Variants in ERFL observed in about 807,000 individuals in gnomAD.
ERFL encodes ETS domain-containing transcription factor ERF-like.
A neutral mutation model predicts 27.9 loss-of-function variants in ERFL; 8 were observed. The ratio of observed to expected loss-of-function variants is 0.29; its 90% confidence interval spans 0.17 to 0.52. The LOEUF is 0.52. ERFL is among the 20% of genes least tolerant of loss of function. The probability of loss-of-function intolerance (pLI) is 0.97; values close to 1 mark genes in which losing one functional copy is unlikely to be tolerated. For missense variants in ERFL, 294 were observed against 444.4 expected, an observed-to-expected ratio of 0.66 and a Z score of 3.04; for synonymous variants, 174 against 202.8, an observed-to-expected ratio of 0.86 and a Z score of 1.21.
At position 41,908,084 on chromosome 19, in the gene ERFL, G is replaced by A; in HGVS notation, c.*144C>T. 3.5e-6 allele frequency: 2 copies of A among 566,028 alleles called. No individual in the cohort carries two copies. Among genetic ancestry groups the A allele is most frequent in the Non-Finnish European group, 5.3e-6 (2 of 380,020 alleles). The allele number at this position is 566,028 out of a possible 1,614,324, so 35.1% of individuals were successfully genotyped here. Reference sequence around the variant, plus strand: ...GGGAAGTGAGACCCCCCCCACTCTGGGGCTGGGGAAGGAGACTGGGGCAGC... The same window carrying A: ...GGGAAGTGAGACCCCCCCCACTCTGAGGCTGGGGAAGGAGACTGGGGCAGC... On this transcript the variant is annotated 3_prime_UTR_variant, in exon 6 of 6. Transcript: ENST00000597630. This position sits in a 1 kb window ranked among gnomAD's most constrained non-coding sequence, Gnocchi z 6.7.
At chr19:41,926,046 G>T (rs563983777) in intron 1 of ERFL, among the ~76,000 whole-genome samples, 18 of 152,164 alleles carry the variant, frequency 1.2e-4, no homozygotes, top group Admixed American at 1.3e-4. Context: ...GAAGAAATAC[G>T]AATGTGTGAG....
chr19:41,920,132 CG>C (rs2074831616), intron 1 of ERFL, among the ~76,000 whole-genome samples: 1 of 111,742 alleles, frequency 8.9e-6, no homozygotes, highest in African/African-American at 3.6e-5. Flanking sequence ...CTCACACATG[CG>C]CTCACAGACA....
chr19:41,914,595 CATCTCT>C lies in ERFL; in HGVS notation c.-13-1669_-13-1664del, dbSNP rs1201067191. 5.3e-4 allele frequency among the ~76,000 whole-genome samples: 29 copies of C among 55,096 alleles called. 3 individuals are homozygous for C. The highest frequency in any genetic ancestry group is 8.3e-4 in the African/African-American group (10 of 12,044). The allele number at this position is 55,096 out of a possible 152,430, so 36.1% of individuals were successfully genotyped here. ...TCTCCGTCTCTCCCTCCCTTTCCAC[CATCTCT>C]GTCTCTCCCTCCCCTTCCACCATCT... On this transcript the variant is annotated intron_variant, in intron 1 of 5. Coordinates refer to ENST00000597630, the MANE Select transcript of ERFL (RefSeq NM_001365103.2).
At chr19:41,911,426 C>G (rs2074750510) in intron 2 of ERFL, among the ~76,000 whole-genome samples, 1 of 152,188 alleles carries the variant, frequency 6.6e-6, no homozygotes, top group Non-Finnish European at 1.5e-5. Context: ...CAGGGGAGAC[C>G]AGCATCGCCG....
At chr19:41,913,140 C>A (rs1276517476) in intron 1 of ERFL, among the ~76,000 whole-genome samples, 1 of 152,160 alleles carries the variant, frequency 6.6e-6, no homozygotes, top group East Asian at 1.9e-4. Context: ...CGTTCCTTCC[C>A]TCCCAGCCTC....
At chr19:41,924,017 TG>T (rs2074857689) in intron 1 of ERFL, among the ~76,000 whole-genome samples, 1 of 9,296 alleles carries the variant, frequency 1.1e-4, no homozygotes, top group African/African-American at 4.8e-4. Context: ...TCTGGGGAGG[TG>T]GGGGTGCTCT....
intron 1 of ERFL, 126 bp from the exon 2 acceptor site, chr19:41,913,058 C>CCCGCAA: frequency 2.5e-6 from 1 of 405,268 alleles, no homozygotes; most frequent in Non-Finnish European, 4.3e-6. Context: ...ACACCCTCTC[C>CCCGCAA]CCGCAATCCC....
chr19:41,909,438 G>C lies in ERFL; in HGVS notation c.336C>G (p.Thr112=). Residue 112 remains threonine (T), a synonymous_variant, in exon 4 of 6, where the codon ACC becomes ACG. Coordinates refer to ENST00000597630, the MANE Select transcript of ERFL (RefSeq NM_001365103.2). The surrounding 1 kb of genome is among the most constrained non-coding windows in gnomAD (Gnocchi z 5.2). ...ACTTGTAGGTGAACCTCTTCCCTTTGGTCTTGTGGAGAATCCGCTTGTTGT... is the reference window on the plus strand; with the variant it reads ...ACTTGTAGGTGAACCTCTTCCCTTTCGTCTTGTGGAGAATCCGCTTGTTGT... ...YYYNKRILHK[T]KGKRFTYKFN... The C allele has an allele frequency of 8.1e-7, 1 of 1,237,976 alleles. No homozygotes were observed. The allele number at this position is 1,237,976 out of a possible 1,614,324, so 76.7% of individuals were successfully genotyped here.
chr19:41,912,016 G>A (rs782680457), intron 2 of ERFL, among the ~76,000 whole-genome samples: 12 of 151,728 alleles, frequency 7.9e-5, no homozygotes, highest in Admixed American at 3.3e-4. Context: ...CATGCGGAAC[G>A]CCACACAACC....
chr19:41,912,426 C>T (rs185135231), intron 2 of ERFL, among the ~76,000 whole-genome samples: 206 of 152,318 alleles, frequency 1.4e-3, no homozygotes, highest in Middle Eastern at 0.01. Flanking sequence ...CTGGCCGGGT[C>T]GTGCCTGCAC....
At position 41,912,841 on chromosome 19, in the gene ERFL, C is replaced by T. The variant is rs1179716351; in HGVS notation, c.67+12G>A. The T allele has an allele frequency of 6.9e-5, 81 of 1,171,682 alleles. No individual in the cohort carries two copies. In the Admixed American group the frequency reaches 1.3e-3, roughly 19 times the overall value. The allele number at this position is 1,171,682 out of a possible 1,614,324, so 72.6% of individuals were successfully genotyped here. A position where few individuals can be genotyped will look rare whatever the true frequency, so the allele number is the denominator to read the frequency against. On this transcript the variant is annotated intron_variant, in intron 2 of 5. Coordinates refer to ENST00000597630, the MANE Select transcript of ERFL (RefSeq NM_001365103.2). ...GGTGGGGGAAGGGGTGGGGGAGGTC[C>T]GGGCCAGTTACCGGGGGTCCAGAGA... is the stretch of plus-strand genomic sequence containing the variant.
In ERFL at chr19:41,909,739, A is replaced by T; in HGVS notation, c.302+124T>A. On this transcript the variant is annotated intron_variant, in intron 3 of 5. Transcript: ENST00000597630. The surrounding 1 kb of genome is among the most constrained non-coding windows in gnomAD (Gnocchi z 5.2). Reference sequence around the variant, plus strand: ...CCACTCACAAGTAGCGATGGTGGCTACTCACGCACAGCCCTGTGCCTTGTG... The same window carrying T: ...CCACTCACAAGTAGCGATGGTGGCTTCTCACGCACAGCCCTGTGCCTTGTG... The T allele has an allele frequency of 1.9e-6, 2 of 1,080,820 alleles. No homozygotes were observed. The highest frequency in any genetic ancestry group is 2.6e-6 in the Non-Finnish European group (2 of 772,440). The allele number at this position is 1,080,820 out of a possible 1,614,324, so 67.0% of individuals were successfully genotyped here. A position where few individuals can be genotyped will look rare whatever the true frequency, so the allele number is the denominator to read the frequency against.
chr19:41,916,777 C>T lies in ERFL; in HGVS notation c.-13-3845G>A, dbSNP rs2074804210. ...CAGCCAACGCACACGGCCACACACA[C>T]ACCCATTCACAGACACAGTCACAAT... On this transcript the variant is annotated intron_variant, in intron 1 of 5. Coordinates refer to ENST00000597630, the MANE Select transcript of ERFL (RefSeq NM_001365103.2). This position sits in a 1 kb window ranked among gnomAD's most constrained non-coding sequence, Gnocchi z 5.4. Among the ~76,000 whole-genome samples the T allele has an allele frequency of 6.6e-6, 1 of 152,086 alleles. No homozygotes were observed. Among genetic ancestry groups the T allele is most frequent in the Admixed American group, 6.5e-5 (1 of 15,276 alleles).
intron 1 of ERFL, among the ~76,000 whole-genome samples, chr19:41,922,003 A>C (rs2074845153): frequency 2.7e-5 from 3 of 112,244 alleles, no homozygotes; most frequent in African/African-American, 6.6e-5. Context: ...TTCTACCTCC[A>C]CCCCCAGCCT....
intron 1 of ERFL, among the ~76,000 whole-genome samples, chr19:41,926,223 C>A (rs1555853254): frequency 6.6e-6 from 1 of 151,218 alleles, no homozygotes; most frequent in Non-Finnish European, 1.5e-5. Flanking sequence ...GACGTATGCT[C>A]CCCGAGAGAC....
chr19:41,911,642 C>T (rs1474173688), intron 2 of ERFL, among the ~76,000 whole-genome samples: 1 of 152,118 alleles, frequency 6.6e-6, no homozygotes, highest in Non-Finnish European at 1.5e-5. Context: ...GGGTCTTTCT[C>T]ACCTCCCATG....
intron 1 of ERFL, among the ~76,000 whole-genome samples, chr19:41,919,511 G>A (rs997279639): frequency 4.1e-5 from 5 of 122,562 alleles, no homozygotes; most frequent in Non-Finnish European, 7.6e-5. Context: ...ACGTGCACGC[G>A]TACACACACA....
At chr19:41,918,509 CCA>C (rs528436260) in intron 1 of ERFL, among the ~76,000 whole-genome samples, 2,599 of 145,492 alleles carry the variant, frequency 0.018, 28 homozygotes, top group Non-Finnish European at 0.028. Flanking sequence ...CACACACACA[CCA>C]CACACATCAC....
chr19:41,909,094 C>G lies in ERFL; in HGVS notation c.582G>C (p.Leu194Phe), dbSNP rs372790186. The change falls in exon 5 of 6, where the codon TTG (leucine) becomes TTC (phenylalanine). Residue 194 changes from leucine (L) to phenylalanine (F), a missense_variant. This residue lies in a region of ERFL where 246 missense variants were observed against 371.4 expected (regional missense o/e 0.66). Transcript: ENST00000597630. This position sits in a 1 kb window ranked among gnomAD's most constrained non-coding sequence, Gnocchi z 5.2. ...TPLFTSETDK[L>F]RLDSPFPFLG... Reference sequence around the variant, plus strand: ...GGAATGGGAAAGGGCTGTCCAGACGCAATTTATCTGTCTCGGAGGTGAACA... The same window carrying G: ...GGAATGGGAAAGGGCTGTCCAGACGGAATTTATCTGTCTCGGAGGTGAACA... 1 of 1,231,802 alleles carries G rather than the reference C, an allele frequency of 8.1e-7. No homozygotes were observed. The highest frequency in any genetic ancestry group is 4.1e-5 in the South Asian group (1 of 24,306). The allele number at this position is 1,231,802 out of a possible 1,614,324, so 76.3% of individuals were successfully genotyped here.
Sources: allele counts gnomAD v4.1 joint callset (sites outside exome capture counted in the v4.1 genomes callset), GRCh38; gene constraint gnomAD v4.1.1; regional missense constraint gnomAD v4.1.1; non-coding constraint Gnocchi (gnomAD v3.1); transcripts MANE v1.5; gene names NCBI Gene and HGNC (gene_info 2026-07-23, HGNC 2026-07-21).